HRH2: variants seen among roughly 807,000 people sequenced by gnomAD.
HRH2 encodes histamine receptor H2, also known as histamine H2 receptor.
A neutral mutation model predicts 20.1 loss-of-function variants in HRH2; 4 were observed. The observed-to-expected ratio is 0.20, with a 90% confidence interval of 0.10 to 0.45. The LOEUF is 0.45. Among genes scored for constraint, HRH2 ranks in the 20% least tolerant of loss-of-function variants. The pLI, the probability that HRH2 is intolerant of heterozygous loss-of-function variation, is 0.99. For synonymous variants in HRH2, 197 were observed against 200.7 expected (o/e 0.98, Z 0.16); for missense variants, 250 against 461.6 (o/e 0.54, Z 4.20).
chr5:175,702,614 C>T (rs1266604542), intron 2 of HRH2, among the ~76,000 whole-genome samples: 7 of 143,108 alleles, frequency 4.9e-5, no homozygotes, highest in Admixed American at 2.9e-4. Flanking sequence ...TGCAGTGACG[C>T]GATCTCGGCT....
intron 2 of HRH2, among the ~76,000 whole-genome samples, chr5:175,691,513 C>T (rs558932143): frequency 7.2e-5 from 11 of 152,290 alleles, no homozygotes; most frequent in Admixed American, 6.5e-4. Flanking sequence ...AAGGCGCTGC[C>T]TTCCCAGGGA....
intron 1 of HRH2, among the ~76,000 whole-genome samples, chr5:175,665,254 G>A (rs897968532): frequency 2.6e-5 from 4 of 152,216 alleles, no homozygotes; most frequent in African/African-American, 9.6e-5. Context: ...TTCCTGCTAC[G>A]ACCGAGGAGG....
intron 1 of HRH2, among the ~76,000 whole-genome samples, chr5:175,664,425 A>G (rs2113472777): frequency 6.6e-6 from 1 of 152,318 alleles, no homozygotes; most frequent in South Asian, 2.1e-4. Context: ...GGAATGCAGC[A>G]GATAGACACA....
intron 1 of HRH2, among the ~76,000 whole-genome samples, chr5:175,668,197 G>A (rs1404560771): frequency 6.6e-6 from 1 of 152,246 alleles, no homozygotes; most frequent in Non-Finnish European, 1.5e-5. Flanking sequence ...GCAGGTGCCA[G>A]TGTGGGCCAA....
intron 2 of HRH2, among the ~76,000 whole-genome samples, chr5:175,697,318 C>G (rs948759553): frequency 3.3e-5 from 5 of 151,902 alleles, no homozygotes; most frequent in Admixed American, 6.6e-5. Flanking sequence ...AAAAAATTAG[C>G]CGGGCGTGGT....
At chr5:175,668,299 T>C (rs925597315) in intron 1 of HRH2, among the ~76,000 whole-genome samples, 6 of 152,104 alleles carry the variant, frequency 3.9e-5, no homozygotes, top group Non-Finnish European at 8.8e-5. Flanking sequence ...TTGGCACACA[T>C]TTACCCACTG....
intron 2 of HRH2, among the ~76,000 whole-genome samples, chr5:175,691,581 C>T (rs1447053566): frequency 6.6e-6 from 1 of 152,130 alleles, no homozygotes; most frequent in Non-Finnish European, 1.5e-5. Flanking sequence ...TACATTTGTA[C>T]CCTTAAGAAG....
chr5:175,696,809 C>A (rs936357787), intron 2 of HRH2, among the ~76,000 whole-genome samples: 1 of 151,396 alleles, frequency 6.6e-6, no homozygotes, highest in Non-Finnish European at 1.5e-5. Flanking sequence ...TTCTATAAGA[C>A]GGGGAGAATC....
intron 1 of HRH2, among the ~76,000 whole-genome samples, chr5:175,668,451 G>A (rs1424358633): frequency 6.6e-6 from 1 of 152,146 alleles, no homozygotes; most frequent in Non-Finnish European, 1.5e-5. Context: ...CTCTAGAAGG[G>A]TCTTGATCTT....
intron 2 of HRH2, chr5:175,703,866 G>T (rs920591656): frequency 2.0e-5 from 3 of 152,072 alleles, no homozygotes; most frequent in African/African-American, 7.2e-5. Flanking sequence ...AACCTGAATT[G>T]CCATATAACC....
intron 2 of HRH2, among the ~76,000 whole-genome samples, chr5:175,694,551 A>G (rs1048550059): frequency 6.6e-6 from 1 of 152,150 alleles, no homozygotes; most frequent in Non-Finnish European, 1.5e-5. Context: ...CCTAGCAGGC[A>G]GTCCTCAAGG....
At chr5:175,702,501 T>G (rs1756816586) in intron 2 of HRH2, among the ~76,000 whole-genome samples, 1 of 147,154 alleles carries the variant, frequency 6.8e-6, no homozygotes, top group African/African-American at 2.5e-5. Context: ...CAGCAAATAC[T>G]AACTGAAAGA....
chr5:175,680,259 T>C (rs1275291444), intron 1 of HRH2, among the ~76,000 whole-genome samples: 1 of 152,208 alleles, frequency 6.6e-6, no homozygotes, highest in African/African-American at 2.4e-5. Flanking sequence ...CTAAGTGACC[T>C]AGAGGGCCAT....
At chr5:175,689,127 T>C (rs998398725) in intron 2 of HRH2, among the ~76,000 whole-genome samples, 1 of 152,104 alleles carries the variant, frequency 6.6e-6, no homozygotes, top group Admixed American at 6.5e-5. Flanking sequence ...CTGAATTTGC[T>C]CTCCTTCCGT....
At chr5:175,684,718 G>C (rs1409633920) in intron 2 of HRH2, among the ~76,000 whole-genome samples, 7 of 152,180 alleles carry the variant, frequency 4.6e-5, no homozygotes, top group Non-Finnish European at 1.0e-4. Context: ...CACCAATGCT[G>C]CCACTTGACG....
chr5:175,688,381 C>T (rs1756247591), intron 2 of HRH2, among the ~76,000 whole-genome samples: 1 of 152,242 alleles, frequency 6.6e-6, no homozygotes, highest in Non-Finnish European at 1.5e-5. Context: ...TTTCCTGCCA[C>T]CTCCCCAGGC....
At chr5:175,685,659 G>T (rs1054231276) in intron 2 of HRH2, 14 of 637,984 alleles carry the variant, frequency 2.2e-5, no homozygotes, top group Non-Finnish European at 3.7e-5. Flanking sequence ...CCCCATCTCA[G>T]GCCTCAGTTT....
At chr5:175,667,252 T>C (rs1229383232) in intron 1 of HRH2, among the ~76,000 whole-genome samples, 3 of 152,128 alleles carry the variant, frequency 2.0e-5, no homozygotes, top group African/African-American at 7.2e-5. Flanking sequence ...GCGACCAGTC[T>C]GGCCAACGTG....
At chr5:175,699,158 G>GGGAGAAGGCCGTGAGAAAAGAAT in intron 2 of HRH2, among the ~76,000 whole-genome samples, 1 of 152,230 alleles carries the variant, frequency 6.6e-6, no homozygotes, top group Middle Eastern at 3.2e-3. Context: ...CTGAAGTGTG[G>GGGAGAAGGCCGTGAGAAAAGAAT]TCATTTGGGC....
Sources: allele counts gnomAD v4.1 joint callset (sites outside exome capture counted in the v4.1 genomes callset), GRCh38; gene constraint gnomAD v4.1.1; transcripts MANE v1.5; gene names NCBI Gene and HGNC (gene_info 2026-07-23, HGNC 2026-07-21).